DLG2: variants seen among roughly 807,000 people sequenced by gnomAD.
DLG2 encodes the protein discs large MAGUK scaffold protein 2.
A neutral mutation model predicts 132.5 loss-of-function variants in DLG2; 45 were observed. The observed-to-expected ratio is 0.34, with a 90% confidence interval of 0.27 to 0.44. The LOEUF is 0.44. Ranked by LOEUF, DLG2 falls within the 20% of genes least tolerant of loss-of-function variation. The pLI, the probability that DLG2 is intolerant of heterozygous loss-of-function variation, is 1.00. For missense variants in DLG2, 1,045 were observed against 1,196.9 expected (o/e 0.87, Z 1.87); for synonymous variants, 424 against 419.6 (o/e 1.01, Z -0.13).
intron 18 of DLG2, among the ~76,000 whole-genome samples, chr11:83,736,315 G>A (rs558826457): frequency 1.4e-4 from 21 of 151,894 alleles, no homozygotes; most frequent in Non-Finnish European, 2.6e-4. Context: ...AGGGGAAAAG[G>A]GTATTACACA....
At chr11:85,452,863 C>T in intron 3 of DLG2, 1 of 183,756 alleles carries the variant, frequency 5.4e-6, no homozygotes, top group African/African-American at 2.3e-5. Flanking sequence ...ATTCAGTCAT[C>T]TACAAGAACA....
At chr11:84,033,347 A>T (rs2095763423) in intron 11 of DLG2, among the ~76,000 whole-genome samples, 1 of 152,178 alleles carries the variant, frequency 6.6e-6, no homozygotes, top group Non-Finnish European at 1.5e-5. Flanking sequence ...AGAATTCAAG[A>T]CTTTGGTGGA....
chr11:84,289,316 A>G (rs1346326639), intron 7 of DLG2, among the ~76,000 whole-genome samples: 5 of 152,142 alleles, frequency 3.3e-5, no homozygotes, highest in African/African-American at 1.2e-4. Context: ...TATTGGCCCA[A>G]GCTTTTATGA....
intron 6 of DLG2, among the ~76,000 whole-genome samples, chr11:84,699,784 T>C (rs1431073135): frequency 6.6e-6 from 1 of 151,492 alleles, no homozygotes; most frequent in African/African-American, 2.4e-5. Context: ...TGCTTTGAGG[T>C]AATTGGAAAA....
chr11:83,915,492 A>C (rs1304502228), intron 15 of DLG2, among the ~76,000 whole-genome samples: 1 of 152,226 alleles, frequency 6.6e-6, no homozygotes, highest in East Asian at 1.9e-4. Flanking sequence ...TTTGCAAAAC[A>C]CCAAACAAAA....
rs527791177 is a variant in DLG2 at position 84,396,444 on chromosome 11, T to C, written c.519+138126A>G. On this transcript the variant is annotated intron_variant, in intron 7 of 27. Transcript: ENST00000376104. ...TTTTGTTTTTCCATAAGAAACATCATGTACCAGACAGCACAACATAATTTT... is the reference window on the plus strand; with the variant it reads ...TTTTGTTTTTCCATAAGAAACATCACGTACCAGACAGCACAACATAATTTT... Among the ~76,000 whole-genome samples, 4 of 152,368 alleles carry C rather than the reference T, an allele frequency of 2.6e-5. No homozygotes were observed. The East Asian group carries it at 5.8e-4, about 22-fold the overall frequency.
intron 6 of DLG2, among the ~76,000 whole-genome samples, chr11:84,730,834 TGATTACTCA>T (rs2063067996): frequency 6.6e-6 from 1 of 152,042 alleles, no homozygotes; most frequent in Admixed American, 6.6e-5. Flanking sequence ...GCAAGTTGAA[TGATTACTCA>T]ATGAAACAAT....
At chr11:85,361,658 A>T (rs2084165950) in intron 3 of DLG2, among the ~76,000 whole-genome samples, 1 of 152,222 alleles carries the variant, frequency 6.6e-6, no homozygotes, top group Non-Finnish European at 1.5e-5. Context: ...TATATAGCTG[A>T]GTAGTATCCA....
chr11:84,454,379 T>C (rs2099059731), intron 7 of DLG2, among the ~76,000 whole-genome samples: 1 of 151,434 alleles, frequency 6.6e-6, no homozygotes, highest in East Asian at 1.9e-4. Flanking sequence ...AAATGTAGAA[T>C]AGAACAATCG....
At chr11:85,170,365 G>C (rs1047454546) in intron 4 of DLG2, among the ~76,000 whole-genome samples, 1 of 152,158 alleles carries the variant, frequency 6.6e-6, no homozygotes, top group African/African-American at 2.4e-5. Flanking sequence ...GTAAAAGGGA[G>C]GCCAGAGAGT....
chr11:84,553,259 C>G (rs1388377557), intron 6 of DLG2, among the ~76,000 whole-genome samples: 6 of 152,116 alleles, frequency 3.9e-5, no homozygotes, highest in African/African-American at 1.4e-4. Context: ...TTTTATTCAT[C>G]CCTCATTTCA....
intron 2 of DLG2, among the ~76,000 whole-genome samples, chr11:85,622,410 T>C (rs1327759126): frequency 6.6e-6 from 1 of 152,118 alleles, no homozygotes; most frequent in Admixed American, 6.5e-5. Context: ...CCTGTACATA[T>C]TCCCCCTCTT....
chr11:85,195,761 C>T (rs2081013912), intron 4 of DLG2, among the ~76,000 whole-genome samples: 1 of 151,924 alleles, frequency 6.6e-6, no homozygotes, highest in Non-Finnish European at 1.5e-5. Flanking sequence ...CTTCTGACCT[C>T]GTGATCCGCC....
chr11:84,464,185 G>A (rs11234039), intron 7 of DLG2, among the ~76,000 whole-genome samples: 3,406 of 151,216 alleles, frequency 0.023, 73 homozygotes, highest in Middle Eastern at 0.061. Flanking sequence ...GAGCATATAT[G>A]AATATTACAA....
rs1392282382 is a variant in DLG2, at chr11:84,324,956, T to C, written c.520-73665A>G. Among the ~76,000 whole-genome samples the C allele has an allele frequency of 2.0e-5, 3 of 152,146 alleles. 1 individual carries two copies. The highest frequency in any genetic ancestry group is 4.1e-4 in the South Asian group (2 of 4,826). On this transcript the variant is annotated intron_variant, in intron 7 of 27. Coordinates refer to ENST00000376104, the MANE Select transcript of DLG2 (RefSeq NM_001142699.3). ...AGAATTTTCTACCTATAAGATCATA[T>C]TATCTGTGAACAAATATAATTTTAC...
At chr11:85,364,638 T>C (rs1456460729) in intron 3 of DLG2, among the ~76,000 whole-genome samples, 23 of 152,136 alleles carry the variant, frequency 1.5e-4, no homozygotes, top group Admixed American at 1.5e-3. Flanking sequence ...CATTTAAACA[T>C]AAATGTGAAT....
At position 85,267,204 on chromosome 11, in the gene DLG2, C is replaced by A. The variant is rs115996848; in HGVS notation, c.186+18016G>T. On this transcript the variant is annotated intron_variant, in intron 4 of 27. Coordinates refer to ENST00000376104, the MANE Select transcript of DLG2 (RefSeq NM_001142699.3). ...AAAGACATGAGAGGACTTACTTTCTCCCGCTCTGTTCTCTGCTATGTGAAG... is the reference window on the plus strand; with the variant it reads ...AAAGACATGAGAGGACTTACTTTCTACCGCTCTGTTCTCTGCTATGTGAAG... Among the ~76,000 whole-genome samples, 973 of 152,300 alleles carry A rather than the reference C, an allele frequency of 6.4e-3. 11 individuals carry two copies. Among genetic ancestry groups the A allele is most frequent in the African/African-American group, 0.022 (912 of 41,552 alleles).
chr11:85,053,551 G>A (rs921573614), intron 6 of DLG2, among the ~76,000 whole-genome samples: 10 of 151,208 alleles, frequency 6.6e-5, no homozygotes, highest in Admixed American at 3.3e-4. Context: ...CACTTTGGGA[G>A]GCCTAGGTGG....
At chr11:83,850,150 GTGTGTGTGTGT>G (rs1200871175) in intron 16 of DLG2, among the ~76,000 whole-genome samples, 2 of 133,792 alleles carry the variant, frequency 1.5e-5, no homozygotes, top group African/African-American at 6.6e-5. Flanking sequence ...GTGTGTGTGT[GTGTGTGTGTGT>G]TTTTTTACTT....
Sources: gnomAD v4.1 joint callset for allele counts (sites outside exome capture counted in the v4.1 genomes callset) on GRCh38, gnomAD v4.1.1 for gene constraint, MANE v1.5 for transcripts, NCBI Gene and HGNC (gene_info 2026-07-23, HGNC 2026-07-21) for gene names.